The following SEPTIN14 variants were observed in gnomAD, a reference collection of about 807,000 sequenced individuals.
SEPTIN14 encodes septin-14.
SEPTIN14 carries 40 observed loss-of-function variants against 53.6 expected under a neutral mutation model. The ratio of observed to expected loss-of-function variants is 0.75; its 90% CI spans 0.58 to 0.97. The LOEUF is 0.97. Ranked by LOEUF, SEPTIN14 falls within the 50% of genes least tolerant of loss-of-function variation. The probability of loss-of-function intolerance (pLI) is 0.00; values close to 1 mark genes in which losing one functional copy is unlikely to be tolerated. For synonymous variants in SEPTIN14, 138 were observed against 166.8 expected (o/e 0.83, Z 1.33); for missense variants, 471 against 508.2 (o/e 0.93, Z 0.70).
intron 8 of SEPTIN14, 63 bp downstream of exon 8, chr7:55,807,027 A>C: frequency 8.5e-7 from 1 of 1,177,648 alleles, no homozygotes; most frequent in Non-Finnish European, 1.2e-6. Context: ...AAATTATCAT[A>C]CCTTGTGTTT....
chr7:55,853,873 G>C (rs1164248254), intron 2 of SEPTIN14, among the ~76,000 whole-genome samples: 1 of 152,102 alleles, frequency 6.6e-6, no homozygotes, highest in Non-Finnish European at 1.5e-5. Flanking sequence ...CCAGAATTTT[G>C]GGAGGCTGAG....
intron 2 of SEPTIN14, 44 bp downstream of exon 2, chr7:55,861,899 T>C: frequency 3.3e-6 from 4 of 1,216,158 alleles, no homozygotes; most frequent in Non-Finnish European, 4.6e-6. Context: ...TATAATCTTA[T>C]TGAAGTACAA....
chr7:55,810,830 C>T, intron 7 of SEPTIN14: 1 of 293,758 alleles, frequency 3.4e-6, no homozygotes, highest in Non-Finnish European at 6.8e-6. Flanking sequence ...GACCAGGGAT[C>T]ATGAAGACCC....
intron 6 of SEPTIN14, among the ~76,000 whole-genome samples, chr7:55,830,349 A>ATATATATTTT (rs71015108): frequency 1.2e-4 from 7 of 56,848 alleles, no homozygotes; most frequent in Non-Finnish European, 1.7e-4. Context: ...ATATATATAT[A>ATATATATTTT]TTTTTTTTTT....
intron 2 of SEPTIN14, among the ~76,000 whole-genome samples, chr7:55,856,281 G>T (rs376454964): frequency 1.3e-5 from 2 of 152,178 alleles, no homozygotes; most frequent in South Asian, 4.1e-4. Context: ...TTGGTTTTCT[G>T]TTCATGTATT....
At chr7:55,829,378 C>G (rs79243113) in intron 6 of SEPTIN14, among the ~76,000 whole-genome samples, 1 of 119,712 alleles carries the variant, frequency 8.4e-6, no homozygotes, top group Non-Finnish European at 1.7e-5. Flanking sequence ...AACTCTGTCT[C>G]AAAAAAAAAA....
chr7:55,839,505 C>T (rs1197170008), intron 5 of SEPTIN14, among the ~76,000 whole-genome samples: 2 of 151,696 alleles, frequency 1.3e-5, no homozygotes, highest in Non-Finnish European at 2.9e-5. Flanking sequence ...TTGTTAGCTT[C>T]GGTCTGCATC....
chr7:55,830,349 A>ATATATATTTTTT (rs71015108), intron 6 of SEPTIN14, among the ~76,000 whole-genome samples: 5 of 56,844 alleles, frequency 8.8e-5, no homozygotes, highest in African/African-American at 2.0e-4. Flanking sequence ...ATATATATAT[A>ATATATATTTTTT]TTTTTTTTTT....
chr7:55,823,904 T>C (rs1205068628), intron 6 of SEPTIN14, among the ~76,000 whole-genome samples: 1 of 133,544 alleles, frequency 7.5e-6, no homozygotes, highest in Non-Finnish European at 1.6e-5. Context: ...TTTTTTTTTT[T>C]GAGAGAGAGA....
intron 6 of SEPTIN14, among the ~76,000 whole-genome samples, chr7:55,823,963 T>C (rs1788940978): frequency 6.6e-6 from 1 of 151,406 alleles, no homozygotes; most frequent in East Asian, 1.9e-4. Context: ...CAATCCTGGC[T>C]CACTGCAACC....
At chr7:55,862,625 A>T (rs1789769720) in intron 1 of SEPTIN14, 63 bp downstream of exon 1, 2 of 152,200 alleles carry the variant, frequency 1.3e-5, no homozygotes, top group Non-Finnish European at 2.9e-5. Context: ...TCTGAGATGT[A>T]TGTATTTTCA....
chr7:55,831,894 G>A (rs1019485878), intron 6 of SEPTIN14, among the ~76,000 whole-genome samples: 1 of 152,104 alleles, frequency 6.6e-6, no homozygotes, highest in Non-Finnish European at 1.5e-5. Flanking sequence ...AATCATCAGA[G>A]AAATGCAAAT....
intron 9 of SEPTIN14, among the ~76,000 whole-genome samples, chr7:55,801,168 G>A (rs1788517444): frequency 6.6e-6 from 1 of 151,434 alleles, no homozygotes; most frequent in Non-Finnish European, 1.5e-5. Context: ...CAAGCGCAAA[G>A]TCAGTAAAAG....
chr7:55,796,723 T>C (rs1436124234), intron 9 of SEPTIN14, among the ~76,000 whole-genome samples: 1 of 152,044 alleles, frequency 6.6e-6, no homozygotes, highest in Admixed American at 6.6e-5. Context: ...AAGACCAGCC[T>C]GGGCAATGTA....
chr7:55,805,926 T>C (rs772007318), intron 8 of SEPTIN14, among the ~76,000 whole-genome samples: 2 of 152,202 alleles, frequency 1.3e-5, no homozygotes, highest in African/African-American at 2.4e-5. Flanking sequence ...ATTTTGGGTG[T>C]CTACAAAGAA....
chr7:55,843,192 A>T, intron 4 of SEPTIN14, 64 bp from the exon 5 acceptor site: 2 of 989,372 alleles, frequency 2.0e-6, no homozygotes, highest in Non-Finnish European at 2.9e-6. Context: ...CTTTTTGACC[A>T]CTTAATGAGC....
chr7:55,851,862 G>T (rs973211439), intron 2 of SEPTIN14, among the ~76,000 whole-genome samples: 2 of 152,034 alleles, frequency 1.3e-5, no homozygotes, highest in African/African-American at 4.8e-5. Context: ...CAAAAAAGAG[G>T]CTGGGCGCAG....
At chr7:55,854,675 A>T (rs4559198) in intron 2 of SEPTIN14, among the ~76,000 whole-genome samples, 5 of 151,982 alleles carry the variant, frequency 3.3e-5, no homozygotes, top group Admixed American at 3.3e-4. Context: ...TGATCCGCCC[A>T]CCTCGGCCTC....
intron 9 of SEPTIN14, chr7:55,798,581 C>A: frequency 2.6e-6 from 1 of 379,848 alleles, no homozygotes; most frequent in Non-Finnish European, 5.2e-6. Flanking sequence ...GAAGGATGGA[C>A]GCAGCCCCAA....
Sources: allele counts gnomAD v4.1 joint callset (sites outside exome capture counted in the v4.1 genomes callset), GRCh38; gene constraint gnomAD v4.1.1; transcripts MANE v1.5; gene names NCBI Gene and HGNC (gene_info 2026-07-23, HGNC 2026-07-21).